Variants in DOK6 observed in about 807,000 individuals in gnomAD.
DOK6 encodes docking protein 6.
A neutral mutation model predicts 44.0 loss-of-function variants in DOK6; 22 were observed. The observed-to-expected ratio is 0.50, with a 90% CI of 0.36 to 0.71. The LOEUF is 0.71. Ranked by LOEUF, DOK6 falls within the 30% of genes least tolerant of loss-of-function variation. The probability of loss-of-function intolerance (pLI) is 0.00; values close to 1 mark genes in which losing one functional copy is unlikely to be tolerated. For missense variants in DOK6, 340 were observed against 416.4 expected (o/e 0.82, Z 1.60); for synonymous variants, 166 against 145.5 (o/e 1.14, Z -1.01).
intron 7 of DOK6, among the ~76,000 whole-genome samples, chr18:69,790,820 G>A (rs1980572493): frequency 6.6e-6 from 1 of 151,738 alleles, no homozygotes; most frequent in Non-Finnish European, 1.5e-5. Flanking sequence ...ATTTTTAAAT[G>A]TTCAATAAAT....
chr18:69,495,595 C>A (rs1298098835), intron 1 of DOK6, among the ~76,000 whole-genome samples: 1 of 152,140 alleles, frequency 6.6e-6, no homozygotes. Flanking sequence ...TAGGCGGGCC[C>A]AGAAAAGGCA....
At chr18:69,440,583 C>T (rs1979108630) in intron 1 of DOK6, among the ~76,000 whole-genome samples, 2 of 152,034 alleles carry the variant, frequency 1.3e-5, no homozygotes, top group African/African-American at 2.4e-5. Flanking sequence ...TAACTTGAGC[C>T]CAAGTATATT....
chr18:69,641,053 T>C (rs1984928196), intron 3 of DOK6, among the ~76,000 whole-genome samples: 1 of 151,762 alleles, frequency 6.6e-6, no homozygotes, highest in East Asian at 1.9e-4. Context: ...ACGTCTCTAC[T>C]AAAATACAAA....
At chr18:69,540,341 A>G (rs945607437) in intron 1 of DOK6, among the ~76,000 whole-genome samples, 2 of 152,166 alleles carry the variant, frequency 1.3e-5, no homozygotes, top group Admixed American at 1.3e-4. Context: ...TTGAGGCATT[A>G]TGTTTTAATA....
intron 1 of DOK6, among the ~76,000 whole-genome samples, chr18:69,559,001 T>C (rs1433661235): frequency 6.6e-6 from 1 of 151,716 alleles, no homozygotes; most frequent in Non-Finnish European, 1.5e-5. Context: ...AAATAATAAC[T>C]TAAGGGCTTC....
intron 2 of DOK6, among the ~76,000 whole-genome samples, chr18:69,566,269 T>C (rs1982979594): frequency 6.6e-6 from 1 of 151,982 alleles, no homozygotes; most frequent in Non-Finnish European, 1.5e-5. Flanking sequence ...CCCGAGTAGC[T>C]GGGACTACAG....
At position 69,774,133 on chromosome 18, in the gene DOK6, G is replaced by GATATAT. The variant is rs111360276; in HGVS notation, c.856+16278_856+16283dup. ...TAGATTTATATAGATATATATATGA[G>GATATAT]ATATATATATATATATATATATAAT... On this transcript the variant is annotated intron_variant, in intron 7 of 7. Transcript: ENST00000382713. Among the ~76,000 whole-genome samples the GATATAT allele has an allele frequency of 2.0e-3, 131 of 66,896 alleles. 15 individuals carry two copies. In the East Asian group the frequency reaches 0.024, roughly 12 times the overall value. 43.9% of individuals were successfully genotyped at this position (66,896 alleles called of 152,430 possible).
At chr18:69,561,999 T>G (rs1275193555) in intron 1 of DOK6, among the ~76,000 whole-genome samples, 1 of 152,214 alleles carries the variant, frequency 6.6e-6, no homozygotes, top group South Asian at 2.1e-4. Flanking sequence ...AGAAGTTTCC[T>G]TCTATTGATT....
intron 2 of DOK6, 39 bp from the exon 3 acceptor site, chr18:69,599,345 C>T (rs775431962): frequency 1.8e-5 from 26 of 1,436,272 alleles, no homozygotes; most frequent in Non-Finnish European, 2.5e-5. Flanking sequence ...ATACAGCATA[C>T]ATACTGTACA....
At chr18:69,732,443 G>A (rs1978441058) in intron 5 of DOK6, among the ~76,000 whole-genome samples, 1 of 152,016 alleles carries the variant, frequency 6.6e-6, no homozygotes. Flanking sequence ...ATCTTTACAT[G>A]GTGGGTTTTT....
chr18:69,800,913 T>G (rs1980884875), intron 7 of DOK6, among the ~76,000 whole-genome samples: 1 of 152,178 alleles, frequency 6.6e-6, no homozygotes, highest in South Asian at 2.1e-4. Context: ...TATTTTAAAG[T>G]ACATGTTCTT....
intron 1 of DOK6, among the ~76,000 whole-genome samples, chr18:69,438,671 G>T (rs757931603): frequency 2.0e-5 from 3 of 152,156 alleles, no homozygotes; most frequent in Non-Finnish European, 4.4e-5. Flanking sequence ...ACCATTTGTG[G>T]CAGCTACAAA....
At chr18:69,807,175 GTT>G (rs144076851) in intron 7 of DOK6, among the ~76,000 whole-genome samples, 1 of 151,282 alleles carries the variant, frequency 6.6e-6, no homozygotes, top group African/African-American at 2.4e-5. Context: ...CAGTGTGGAG[GTT>G]TTTTTTAATG....
chr18:69,466,238 A>G (rs183455478), intron 1 of DOK6, among the ~76,000 whole-genome samples: 267 of 152,278 alleles, frequency 1.8e-3, no homozygotes, highest in Non-Finnish European at 3.3e-3. Context: ...ATTTTTGTAC[A>G]TTCCACATAT....
intron 3 of DOK6, among the ~76,000 whole-genome samples, chr18:69,619,378 A>C (rs948302570): frequency 6.6e-6 from 1 of 152,232 alleles, no homozygotes; most frequent in Admixed American, 6.5e-5. Context: ...GGTTAATCCC[A>C]CACCTGCCCT....
intron 4 of DOK6, among the ~76,000 whole-genome samples, chr18:69,684,836 T>C (rs943438753): frequency 1.3e-5 from 2 of 152,074 alleles, no homozygotes; most frequent in Non-Finnish European, 2.9e-5. Context: ...CAAAACTGAG[T>C]GTGGCATGGA....
intron 7 of DOK6, among the ~76,000 whole-genome samples, chr18:69,835,616 GCCTGC>G (rs899758715): frequency 5.3e-5 from 8 of 152,150 alleles, no homozygotes; most frequent in Non-Finnish European, 1.2e-4. Context: ...TACATCTGCA[GCCTGC>G]CCGCTCCTTT....
chr18:69,663,918 A>G (rs1163211270), intron 3 of DOK6, among the ~76,000 whole-genome samples: 1 of 152,202 alleles, frequency 6.6e-6, no homozygotes, highest in Non-Finnish European at 1.5e-5. Flanking sequence ...AATATTATAA[A>G]GTTTACTTTA....
intron 5 of DOK6, among the ~76,000 whole-genome samples, chr18:69,707,204 G>A (rs372735013): frequency 6.6e-6 from 1 of 152,178 alleles, no homozygotes; most frequent in South Asian, 2.1e-4. Flanking sequence ...AGAAATGGAA[G>A]AACATTCCAT....
Sources: allele counts gnomAD v4.1 joint callset (sites outside exome capture counted in the v4.1 genomes callset), GRCh38; gene constraint gnomAD v4.1.1; transcripts MANE v1.5; gene names NCBI Gene and HGNC (gene_info 2026-07-23, HGNC 2026-07-21).